Variants in PTPRD observed in about 807,000 individuals in gnomAD.
PTPRD encodes the protein protein tyrosine phosphatase receptor type D, also known as receptor-type tyrosine-protein phosphatase delta.
A neutral mutation model predicts 214.5 loss-of-function variants in PTPRD; 34 were observed. That is an observed-to-expected ratio of 0.16 (90% confidence interval 0.12 to 0.21). PTPRD has a LOEUF of 0.21. PTPRD is among the 10% of genes least tolerant of loss of function. The pLI is 1.00. For missense variants in PTPRD, 2,545 were observed against 2,398.7 expected (o/e 1.06, Z -1.27); for synonymous variants, 1,128 against 845.7 (o/e 1.33, Z -5.79).
intron 4 of PTPRD, among the ~76,000 whole-genome samples, chr9:9,989,964 G>T (rs184665103): frequency 9.2e-5 from 14 of 152,130 alleles, no homozygotes; most frequent in Non-Finnish European, 1.8e-4. Flanking sequence ...CACAAGTCCC[G>T]CAAAGGGGTC....
chr9:8,383,880 T>C (rs1293275581), intron 37 of PTPRD, among the ~76,000 whole-genome samples: 4 of 152,164 alleles, frequency 2.6e-5, no homozygotes, highest in Non-Finnish European at 5.9e-5. Flanking sequence ...AAAAGTCAGA[T>C]ATATTCTAAC....
At chr9:10,230,428 G>GTATC (rs1554901256) in intron 3 of PTPRD, among the ~76,000 whole-genome samples, 10 of 128,264 alleles carry the variant, frequency 7.8e-5, no homozygotes, top group East Asian at 5.0e-4. Flanking sequence ...ATGTATCTAT[G>GTATC]TATCTATGTA....
At chr9:9,412,378 C>T (rs997550828) in intron 8 of PTPRD, among the ~76,000 whole-genome samples, 9 of 152,146 alleles carry the variant, frequency 5.9e-5, no homozygotes, top group African/African-American at 1.9e-4. Context: ...AGCTTCCTGT[C>T]ACTTGACTTT....
intron 3 of PTPRD, among the ~76,000 whole-genome samples, chr9:10,107,333 A>C (rs1289272264): frequency 6.6e-6 from 1 of 152,046 alleles, no homozygotes; most frequent in African/African-American, 2.4e-5. Flanking sequence ...GCGCCAACAA[A>C]AATATGAAAT....
At chr9:9,382,569 T>C (rs978814841) in intron 9 of PTPRD, among the ~76,000 whole-genome samples, 1 of 151,980 alleles carries the variant, frequency 6.6e-6, no homozygotes, top group Non-Finnish European at 1.5e-5. Flanking sequence ...ACAAGGCATA[T>C]TAAAAGATGC....
At chr9:8,854,470 G>A (rs2097877205) in intron 11 of PTPRD, among the ~76,000 whole-genome samples, 1 of 152,128 alleles carries the variant, frequency 6.6e-6, no homozygotes, top group South Asian at 2.1e-4. Context: ...TTGTCCAATG[G>A]TTTGATAAAT....
intron 2 of PTPRD, among the ~76,000 whole-genome samples, chr9:10,491,594 CA>C (rs1181231681): frequency 6.6e-6 from 1 of 151,818 alleles, no homozygotes; most frequent in Non-Finnish European, 1.5e-5. Context: ...AATATTTCCA[CA>C]TAGATGATTT....
At position 8,782,500 on chromosome 9, in the gene PTPRD, A is replaced by G. The variant is rs1271226226; in HGVS notation, c.-103-48554T>C. ...CTCAATTTCTTTTCATCATATGGCT[A>G]AAACATATGCCAAACACCCTTTTCA... On this transcript the variant is annotated intron_variant, in intron 11 of 45. Coordinates refer to ENST00000381196, the MANE Select transcript of PTPRD (RefSeq NM_002839.4). Among the ~76,000 whole-genome samples the G allele has an allele frequency of 5.3e-5, 8 of 152,140 alleles. No homozygotes were observed. In the East Asian group the frequency reaches 1.5e-3, roughly 29 times the overall value.
Position 9,242,774 on chromosome 9 carries a change from C to T in PTPRD, c.-202-59411G>A, listed in dbSNP as rs112784513. Among the ~76,000 whole-genome samples the T allele has an allele frequency of 1.8e-3, 281 of 152,118 alleles. 1 individual carries two copies. Among genetic ancestry groups the T allele is most frequent in the African/African-American group, 6.2e-3 (257 of 41,516 alleles). The stretch of plus-strand genomic sequence containing the variant: ...TTTTTCAATGTTTTTAACTTCTTTC[C>T]GATGGTTTCAAACTCCTCCCTTAGC... On this transcript the variant is annotated intron_variant, in intron 9 of 45. Transcript: ENST00000381196.
chr9:9,815,120 T>C (rs2048354370), intron 5 of PTPRD, among the ~76,000 whole-genome samples: 1 of 152,070 alleles, frequency 6.6e-6, no homozygotes, highest in African/African-American at 2.4e-5. Context: ...ATTACAAAGC[T>C]ATAGTAATAA....
intron 14 of PTPRD, among the ~76,000 whole-genome samples, chr9:8,534,638 TAC>T (rs371056231): frequency 1.6e-3 from 235 of 149,836 alleles, no homozygotes; most frequent in African/African-American, 5.0e-3. Flanking sequence ...TATATATATA[TAC>T]ACACACACAC....
At chr9:9,088,582 A>G (rs972308672) in intron 10 of PTPRD, among the ~76,000 whole-genome samples, 58 of 81,104 alleles carry the variant, frequency 7.2e-4, no homozygotes, top group Non-Finnish European at 1.2e-3. Flanking sequence ...TTAGTCTCAG[A>G]AAAAAAAAAA....
intron 3 of PTPRD, among the ~76,000 whole-genome samples, chr9:10,091,579 T>C (rs754085439): frequency 6.6e-6 from 1 of 151,510 alleles, no homozygotes; most frequent in Non-Finnish European, 1.5e-5. Context: ...ATTTTCAAGT[T>C]AGTTCAAAAT....
chr9:8,340,331 C>A lies in PTPRD; in HGVS notation c.5253+12G>T. The A allele has an allele frequency of 2.5e-6, 4 of 1,595,512 alleles. No homozygotes were observed. The highest frequency in any genetic ancestry group is 3.4e-6 in the Non-Finnish European group (4 of 1,166,376). ...TGTCTTATGAGGAGACACACAAGGG[C>A]CACACACTTACTCTGCCCATTTCAC... On this transcript the variant is annotated intron_variant, in intron 42 of 45. Transcript: ENST00000381196.
At chr9:9,353,496 A>C (rs976990849) in intron 9 of PTPRD, among the ~76,000 whole-genome samples, 1 of 151,732 alleles carries the variant, frequency 6.6e-6, no homozygotes, top group South Asian at 2.1e-4. Context: ...CTGGGAGTCC[A>C]CTTCTATATA....
At chr9:9,629,829 G>C (rs577384510) in intron 7 of PTPRD, among the ~76,000 whole-genome samples, 5 of 152,292 alleles carry the variant, frequency 3.3e-5, no homozygotes, top group African/African-American at 7.2e-5. Context: ...CTTACAAGAA[G>C]GAAAAACCAG....
chr9:10,609,240 T>C (rs1358868254), intron 2 of PTPRD, among the ~76,000 whole-genome samples: 17 of 151,998 alleles, frequency 1.1e-4, no homozygotes, highest in Admixed American at 1.0e-3. Flanking sequence ...TAGAGACACA[T>C]GGATAGATAT....
intron 5 of PTPRD, among the ~76,000 whole-genome samples, chr9:9,826,640 T>G (rs1049045411): frequency 3.3e-5 from 5 of 152,022 alleles, no homozygotes; most frequent in African/African-American, 9.7e-5. Context: ...GTGTCCTTAG[T>G]AGTGATATTC....
At chr9:9,913,933 G>A (rs2079938346) in intron 5 of PTPRD, among the ~76,000 whole-genome samples, 1 of 152,080 alleles carries the variant, frequency 6.6e-6, no homozygotes, top group African/African-American at 2.4e-5. Flanking sequence ...CCAACACAGG[G>A]CACCATCTTC....
Sources: allele counts gnomAD v4.1 joint callset (sites outside exome capture counted in the v4.1 genomes callset), GRCh38; gene constraint gnomAD v4.1.1; transcripts MANE v1.5; gene names NCBI Gene and HGNC (gene_info 2026-07-23, HGNC 2026-07-21).